The following KRCC1 variants were observed in gnomAD, a reference collection of about 807,000 sequenced individuals.
The protein encoded by KRCC1 is lysine-rich coiled-coil protein 1.
A neutral mutation model predicts 7.4 loss-of-function variants in KRCC1; 3 were observed. The observed-to-expected ratio is 0.40, with a 90% CI of 0.18 to 1.04. KRCC1 has a LOEUF of 1.04. Ranked by LOEUF, KRCC1 falls within the 50% of genes least tolerant of loss-of-function variation. The pLI, the probability that KRCC1 is intolerant of heterozygous loss-of-function variation, is 0.33. For missense variants in KRCC1, 277 were observed against 300.9 expected (o/e 0.92, Z 0.59); for synonymous variants, 102 against 101.6 (o/e 1.00, Z -0.02).
Position 88,027,569 on chromosome 2 carries a change from C to A in KRCC1, c.*215G>T. 1 of 465,856 alleles carries A rather than the reference C, an allele frequency of 2.1e-6. No homozygotes were observed. The highest frequency in any genetic ancestry group is 4.8e-5 in the South Asian group (1 of 20,908). 28.9% of individuals were successfully genotyped at this position (465,856 alleles called of 1,614,324 possible). Reference sequence around the variant, plus strand: ...GTCACTTTCATTAAAGGAAATTACACTATATGTTCAAAAAATGTAATAATG... The same window carrying A: ...GTCACTTTCATTAAAGGAAATTACAATATATGTTCAAAAAATGTAATAATG... On this transcript the variant is annotated 3_prime_UTR_variant, in exon 4 of 4. Transcript: ENST00000347055.
chr2:88,042,684 G>A (rs977641568), intron 1 of KRCC1, among the ~76,000 whole-genome samples: 4 of 152,068 alleles, frequency 2.6e-5, no homozygotes, highest in Admixed American at 6.6e-5. Context: ...GTCTCCCCAA[G>A]GCTGAGATTA....
chr2:88,034,450 T>C (rs1244647226), intron 2 of KRCC1, among the ~76,000 whole-genome samples, 158 bp from the exon 3 acceptor site: 1 of 152,186 alleles, frequency 6.6e-6, no homozygotes, highest in African/African-American at 2.4e-5. Flanking sequence ...TAAAAATGTT[T>C]AAACATACTT....
At chr2:88,033,321 G>C (rs11895395) in intron 3 of KRCC1, among the ~76,000 whole-genome samples, 137,684 of 152,178 alleles carry the variant, frequency 0.9, 62,657 homozygotes, top group East Asian at 1. Flanking sequence ...GTCAGGAGTT[G>C]GAGATCAGCC....
chr2:88,053,332 G>A (rs1048735225), intron 1 of KRCC1, among the ~76,000 whole-genome samples: 6 of 152,186 alleles, frequency 3.9e-5, no homozygotes, highest in Non-Finnish European at 7.4e-5. Context: ...CTAGTACTGT[G>A]TGAACTGACA....
rs545226561 is a variant in KRCC1, at chr2:88,045,442, T to C, written c.-290-8391A>G. 1.3e-3 allele frequency among the ~76,000 whole-genome samples: 195 copies of C among 152,222 alleles called. 1 individual carries two copies. Among genetic ancestry groups the C allele is most frequent in the Non-Finnish European group, 1.8e-3 (120 of 68,018 alleles). On this transcript the variant is annotated intron_variant, in intron 1 of 3. Coordinates refer to ENST00000347055, the MANE Select transcript of KRCC1 (RefSeq NM_016618.3). ...GCAACACGGATGAATCTCAAAACCATCACGCTGAGCGAAAGACAGACATGA... is the reference window on the plus strand; with the variant it reads ...GCAACACGGATGAATCTCAAAACCACCACGCTGAGCGAAAGACAGACATGA...
chr2:88,039,945 G>T (rs1165051231), intron 1 of KRCC1, among the ~76,000 whole-genome samples: 1 of 150,908 alleles, frequency 6.6e-6, no homozygotes, highest in African/African-American at 2.4e-5. Flanking sequence ...TGGGAGGATT[G>T]CTTGAGACCA....
chr2:88,043,344 T>C (rs80127898), intron 1 of KRCC1, among the ~76,000 whole-genome samples: 2,268 of 152,320 alleles, frequency 0.015, 47 homozygotes, highest in African/African-American at 0.053. Flanking sequence ...CCATTTCATA[T>C]AAAAAGTCAT....
chr2:88,031,565 T>G (rs1640225481), intron 3 of KRCC1, among the ~76,000 whole-genome samples: 1 of 151,740 alleles, frequency 6.6e-6, no homozygotes, highest in South Asian at 2.1e-4. Flanking sequence ...GAGGTTGCGG[T>G]GAGCCGAGAT....
chr2:88,027,861 T>G lies in KRCC1; in HGVS notation c.703A>C (p.Thr235Pro). The change falls in exon 4 of 4, where the codon ACA becomes CCA. Residue 235 changes from threonine (T) to proline (P), a missense_variant. Coordinates refer to ENST00000347055, the MANE Select transcript of KRCC1 (RefSeq NM_016618.3). ...VVSKKEERKR[T>P]KKKKEQGQER... is the part of the protein sequence containing the mutation. ...TGGCCTTGTTCCTTTTTCTTTTTTGTACGCTTACGTTCCTCTTTCTTAGAG... is the reference window on the plus strand; with the variant it reads ...TGGCCTTGTTCCTTTTTCTTTTTTGGACGCTTACGTTCCTCTTTCTTAGAG... The G allele has an allele frequency of 6.2e-7, 1 of 1,611,844 alleles. No individual in the cohort carries two copies. The highest frequency in any genetic ancestry group is 2.2e-5 in the East Asian group (1 of 44,878).
intron 1 of KRCC1, among the ~76,000 whole-genome samples, chr2:88,046,357 T>C (rs1032872397): frequency 6.6e-6 from 1 of 152,202 alleles, no homozygotes; most frequent in Non-Finnish European, 1.5e-5. Context: ...GTGGTCCTTA[T>C]AGAAATTAAT....
At chr2:88,035,470 G>T (rs1673074011) in intron 2 of KRCC1, among the ~76,000 whole-genome samples, 1 of 152,184 alleles carries the variant, frequency 6.6e-6, no homozygotes, top group Non-Finnish European at 1.5e-5. Context: ...ACATGAGGAA[G>T]TAAGTCAGGG....
intron 1 of KRCC1, among the ~76,000 whole-genome samples, chr2:88,037,433 G>T (rs1398702339): frequency 6.6e-6 from 1 of 152,204 alleles, no homozygotes; most frequent in South Asian, 2.1e-4. Flanking sequence ...TGTCATCTGA[G>T]AATCACATGG....
rs1672896875 is a variant in KRCC1, at chr2:88,027,543, A to T, written c.*241T>A. The T allele has an allele frequency of 2.5e-6, 1 of 399,946 alleles. No homozygotes were observed. The highest frequency in any genetic ancestry group is 4.4e-6 in the Non-Finnish European group (1 of 226,636). The allele number at this position is 399,946 out of a possible 1,614,324, so 24.8% of individuals were successfully genotyped here. Reference sequence around the variant, plus strand: ...AAAGCAATTTGATGAATAAAAGCAGAGTCACTTTCATTAAAGGAAATTACA... The same window carrying T: ...AAAGCAATTTGATGAATAAAAGCAGTGTCACTTTCATTAAAGGAAATTACA... On this transcript the variant is annotated 3_prime_UTR_variant, in exon 4 of 4. Coordinates refer to ENST00000347055, the MANE Select transcript of KRCC1 (RefSeq NM_016618.3).
chr2:88,041,190 C>G (rs1040536760), intron 1 of KRCC1, among the ~76,000 whole-genome samples: 4 of 152,042 alleles, frequency 2.6e-5, no homozygotes, highest in Non-Finnish European at 5.9e-5. Flanking sequence ...GAGAGATATT[C>G]TAAAGGTGGA....
intron 3 of KRCC1, among the ~76,000 whole-genome samples, chr2:88,029,723 T>C (rs1383957532): frequency 6.6e-6 from 1 of 151,752 alleles, no homozygotes. Flanking sequence ...GATTCTTTTT[T>C]GGGGGGAAGG....
intron 3 of KRCC1, among the ~76,000 whole-genome samples, chr2:88,030,082 A>C (rs1037354195): frequency 1.9e-4 from 28 of 150,882 alleles, no homozygotes; most frequent in African/African-American, 6.8e-4. Context: ...TCCTGACCTC[A>C]GGTGATCTGC....
At chr2:88,049,181 T>C (rs1673411184) in intron 1 of KRCC1, among the ~76,000 whole-genome samples, 2 of 152,198 alleles carry the variant, frequency 1.3e-5, no homozygotes, top group South Asian at 4.1e-4. Context: ...ACATGTTTAG[T>C]ATCAAATTTA....
chr2:88,051,612 A>C (rs1038837407), intron 1 of KRCC1, among the ~76,000 whole-genome samples: 2 of 152,238 alleles, frequency 1.3e-5, no homozygotes, highest in South Asian at 4.1e-4. Flanking sequence ...AAAGATATTT[A>C]CCGGAAGTAA....
At chr2:88,040,067 T>C (rs1256111037) in intron 1 of KRCC1, among the ~76,000 whole-genome samples, 3 of 152,112 alleles carry the variant, frequency 2.0e-5, no homozygotes, top group African/African-American at 7.2e-5. Flanking sequence ...TCAGAATACA[T>C]GGAAAGCTTA....
Sources: allele counts gnomAD v4.1 joint callset (sites outside exome capture counted in the v4.1 genomes callset), GRCh38; gene constraint gnomAD v4.1.1; transcripts MANE v1.5; gene names NCBI Gene and HGNC (gene_info 2026-07-23, HGNC 2026-07-21).